The following VSIG2 variants were observed in gnomAD, a reference collection of about 807,000 sequenced individuals.
VSIG2 encodes the protein V-set and immunoglobulin domain containing 2, also known as V-set and immunoglobulin domain-containing protein 2.
VSIG2 carries 30 observed loss-of-function variants against 29.4 expected under a neutral mutation model. That is an observed-to-expected ratio of 1.02 (90% CI 0.76 to 1.38). VSIG2 has a LOEUF of 1.38. VSIG2 is among the 40% of genes most tolerant of loss of function. The probability of loss-of-function intolerance (pLI) is 0.00; values close to 1 mark genes in which losing one functional copy is unlikely to be tolerated. For synonymous variants in VSIG2, 178 were observed against 174.2 expected, an observed-to-expected ratio of 1.02 and a Z score of -0.17; for missense variants, 421 against 400.8, an observed-to-expected ratio of 1.05 and a Z score of -0.43.
chr11:124,748,826 A>G, intron 4 of VSIG2, 63 bp from the exon 5 acceptor site: 1 of 1,612,430 alleles, frequency 6.2e-7, no homozygotes. Context: ...CTACGAGGAC[A>G]GCACATTTCA....
chr11:124,748,409 A>C lies in VSIG2; in HGVS notation c.832T>G (p.Tyr278Asp). 8 of 1,612,908 alleles carry C rather than the reference A, an allele frequency of 5.0e-6. No homozygotes were observed. The highest frequency in any genetic ancestry group is 6.8e-6 in the Non-Finnish European group (8 of 1,179,546). Residue 278 changes from tyrosine to aspartate, a missense_variant, in exon 6 of 7, where the codon TAT (tyrosine) becomes GAT (aspartate). Physicochemically the swap from Tyr to Asp is radical, Grantham distance 160. Transcript: ENST00000326621. ...GCTCACCGAAGGTCACTACCCCCATATGTCTCCTTGGGCTTCTTCCCCCTC... is the reference window on the plus strand; with the variant it reads ...GCTCACCGAAGGTCACTACCCCCATCTGTCTCCTTGGGCTTCTTCCCCCTC... ...KERGKKPKET[Y>D]GGSDLREDAI...
chr11:124,749,858 T>C lies in VSIG2; in HGVS notation c.436A>G (p.Ser146Gly), dbSNP rs1489657734. ...CCACTCTGACTGCATAAGGGATTAC[T>C]GGGGGGAACTGCAAAAAAAAAAAAA... ...LINLTVLVPP[S>G]NPLCSQSGQT... The change falls in exon 4 of 7, where the codon AGT becomes GGT. Residue 146 changes from serine (S) to glycine (G), a missense_variant. Ser to Gly is a moderately conservative substitution (Grantham distance 56). Coordinates refer to ENST00000326621, the MANE Select transcript of VSIG2 (RefSeq NM_014312.5). 1 of 707,706 alleles carries C rather than the reference T, an allele frequency of 1.4e-6. No homozygotes were observed. Among genetic ancestry groups the C allele is most frequent in the Non-Finnish European group, 1.9e-6 (1 of 514,938 alleles). The allele number at this position is 707,706 out of a possible 1,614,324, so 43.8% of individuals were successfully genotyped here.
At chr11:124,750,453 C>G (rs1046603459) in intron 3 of VSIG2, among the ~76,000 whole-genome samples, 1 of 151,908 alleles carries the variant, frequency 6.6e-6, no homozygotes, top group Admixed American at 6.6e-5. Context: ...GGAGCAGGCT[C>G]AGATCCCCAT....
At chr11:124,750,677 A>G in intron 3 of VSIG2, 37 bp downstream of exon 3, 1 of 1,603,748 alleles carries the variant, frequency 6.2e-7, no homozygotes, top group Non-Finnish European at 8.5e-7. Flanking sequence ...AAGTATGTGA[A>G]AGAGTATGTG....
rs1177743036 is a variant in VSIG2 at position 124,752,099 on chromosome 11, C to G, written c.39G>C (p.Leu13=). The G allele has an allele frequency of 6.2e-7, 1 of 1,606,686 alleles. No individual in the cohort carries two copies. Among genetic ancestry groups the G allele is most frequent in the Non-Finnish European group, 8.5e-7 (1 of 1,178,848 alleles). Residue 13 remains leucine (L), a synonymous_variant, in exon 1 of 7, where the codon CTG becomes CTC. Coordinates refer to ENST00000326621, the MANE Select transcript of VSIG2 (RefSeq NM_014312.5). ...ELPGPFLCGA[L]LGFLCLSGLA... Reference sequence around the variant, plus strand: ...CACCACTCAGGCACAGGAAGCCTAGCAGGGCCCCGCAGAGAAAGGGCCCCG... The same window carrying G: ...CACCACTCAGGCACAGGAAGCCTAGGAGGGCCCCGCAGAGAAAGGGCCCCG...
chr11:124,751,235 A>T (rs1944082079), intron 2 of VSIG2, among the ~76,000 whole-genome samples, 188 bp downstream of exon 2: 1 of 152,070 alleles, frequency 6.6e-6, no homozygotes, highest in African/African-American at 2.4e-5. Flanking sequence ...TGGAAATAGG[A>T]GCTATGGAAG....
Position 124,748,502 on chromosome 11 carries a change from T to C in VSIG2, c.739A>G (p.Ile247Val). The C allele has an allele frequency of 6.2e-7, 1 of 1,614,044 alleles. No homozygotes were observed. Among genetic ancestry groups the C allele is most frequent in the Non-Finnish European group, 8.5e-7 (1 of 1,180,028 alleles). ...AACAGCACGCCCAGGAGCACCCCAA[T>C]CAGAGCTCCGGCCACTCGGCCTTGG... ...PSQGRVAGALIGVLLGVLLLS... is the reference protein window; with the variant it reads ...PSQGRVAGALVGVLLGVLLLS... The change falls in exon 6 of 7, where the codon ATT (isoleucine) becomes GTT (valine). Residue 247 changes from isoleucine to valine, a missense_variant. Ile to Val is a conservative substitution (Grantham distance 29, BLOSUM62 3). Coordinates refer to ENST00000326621, the MANE Select transcript of VSIG2 (RefSeq NM_014312.5).
chr11:124,748,039 A>G, intron 6 of VSIG2: 2 of 366,536 alleles, frequency 5.5e-6, no homozygotes, highest in Non-Finnish European at 9.8e-6. Context: ...ACTGCTCAGG[A>G]CAAATCCATT....
intron 1 of VSIG2, 130 bp downstream of exon 1, chr11:124,751,947 G>A: frequency 8.9e-7 from 1 of 1,123,052 alleles, no homozygotes; most frequent in Non-Finnish European, 1.2e-6. Flanking sequence ...CTCACCTCAG[G>A]CGCCTTAGGG....
At chr11:124,749,640 G>T in intron 4 of VSIG2, 68 bp downstream of exon 4, 1 of 1,567,138 alleles carries the variant, frequency 6.4e-7, no homozygotes, top group Non-Finnish European at 8.7e-7. Flanking sequence ...TAATACGGGT[G>T]TGTGGGATTT....
Position 124,749,882 on chromosome 11 carries a change from A to ACAAC in VSIG2, c.428-17_428-16insGTTG, listed in dbSNP as rs760330368. 2 of 1,514,514 alleles carry ACAAC rather than the reference A, an allele frequency of 1.3e-6. No individual in the cohort carries two copies. The highest frequency in any genetic ancestry group is 2.9e-5 in the African/African-American group (2 of 68,090). 93.8% of individuals were successfully genotyped at this position (1,514,514 alleles called of 1,614,324 possible). On this transcript the variant is annotated splice_polypyrimidine_tract_variant and intron_variant, in intron 3 of 6. Transcript: ENST00000326621. ...CTGGGGGGAACTGCAAAAAAAAAAA[A>ACAAC]AAAAAAAAAAAAACAGAAAGTTCCT...
chr11:124,751,935 G>T, intron 1 of VSIG2, 142 bp downstream of exon 1: 1 of 1,026,830 alleles, frequency 9.7e-7, no homozygotes, highest in Non-Finnish European at 1.4e-6. Context: ...CCCCTCTCCG[G>T]CCTCACCTCA....
Position 124,750,876 on chromosome 11 carries a change from A to T in VSIG2, c.265T>A (p.Ser89Thr), listed in dbSNP as rs1944077502. 1.2e-6 allele frequency: 2 copies of T among 1,613,828 alleles called. No individual in the cohort carries two copies. The highest frequency in any genetic ancestry group is 1.7e-6 in the Non-Finnish European group (2 of 1,179,992). The part of the protein sequence containing the change: ...NGHLYPTGSK[S>T]KRVSLLQNPP... The stretch of plus-strand genomic sequence containing the variant: ...TTCTGAAGCAGGCTGACCCGCTTTG[A>T]CTTAGAACCAGTTGGATACAGATGG... Residue 89 changes from serine to threonine, a missense_variant, in exon 3 of 7, where the codon TCA becomes ACA. Transcript: ENST00000326621.
rs778871563 is a variant in VSIG2, at chr11:124,752,113, G to A, written c.25C>T (p.Leu9Phe). 16 of 1,605,974 alleles carry A rather than the reference G, an allele frequency of 1.0e-5. No homozygotes were observed. The highest frequency in any genetic ancestry group is 1.3e-5 in the Non-Finnish European group (15 of 1,178,738). The change falls in exon 1 of 7, where the codon CTC (leucine) becomes TTC (phenylalanine). Residue 9 changes from leucine to phenylalanine, a missense_variant. Transcript: ENST00000326621. ...AGGAAGCCTAGCAGGGCCCCGCAGA[G>A]AAAGGGCCCCGGGAGCTCGGCCATG... is the stretch of plus-strand genomic sequence containing the variant. The part of the protein sequence containing the change: MAELPGPF[L>F]CGALLGFLCL...
rs1355129406 is a variant in VSIG2, at chr11:124,750,886, A to C, written c.255T>G (p.Thr85=). The change falls in exon 3 of 7, where the codon ACT becomes ACG. Residue 85 remains threonine (T), a synonymous_variant. Transcript: ENST00000326621. ...GGCTGACCCGCTTTGACTTAGAACC[A>C]GTTGGATACAGATGGCCATTGGTGA... The part of the protein sequence containing the change: ...LYFTNGHLYP[T]GSKSKRVSLL... 6.2e-7 allele frequency: 1 copy of C among 1,614,112 alleles called. No individual in the cohort carries two copies. Among genetic ancestry groups the C allele is most frequent in the South Asian group, 1.1e-5 (1 of 91,080 alleles).
At position 124,749,878 on chromosome 11, in the gene VSIG2, A is replaced by AC. The variant is rs770472159; in HGVS notation, c.428-13_428-12insG. ...ATTACTGGGGGGAACTGCAAAAAAA[A>AC]AAAAAAAAAAAAAAAAACAGAAAGT... On this transcript the variant is annotated splice_polypyrimidine_tract_variant and intron_variant, in intron 3 of 6. Transcript: ENST00000326621. 1.5e-4 allele frequency: 221 copies of AC among 1,499,240 alleles called. 5 individuals are homozygous for AC. In the African/African-American group the frequency reaches 3.1e-3, roughly 21 times the overall value. 92.9% of individuals were successfully genotyped at this position (1,499,240 alleles called of 1,614,324 possible).
intron 1 of VSIG2, 91 bp from the exon 2 acceptor site, chr11:124,751,671 G>A (rs1944088641): frequency 7.4e-7 from 1 of 1,356,596 alleles, no homozygotes; most frequent in African/African-American, 1.5e-5. Context: ...TGGAAGCTGG[G>A]GGCTCCCTCC....
In VSIG2 at chr11:124,752,119, GC is replaced by G; in HGVS notation, c.18del (p.Leu9SerfsTer6). 2 of 1,604,520 alleles carry G rather than the reference GC, an allele frequency of 1.2e-6. No individual in the cohort carries two copies. On this transcript the variant is annotated frameshift_variant, in exon 1 of 7. Coordinates refer to ENST00000326621, the MANE Select transcript of VSIG2 (RefSeq NM_014312.5). LOFTEE classifies it high-confidence loss of function. MAELP[G>X]PFLCGALLGF... is the part of the protein sequence containing the mutation. ...CCTAGCAGGGCCCCGCAGAGAAAGG[GC>G]CCCGGGAGCTCGGCCATGGCCGCGT...
At position 124,752,064 on chromosome 11, in the gene VSIG2, G is replaced by A. The variant is rs377073024; in HGVS notation, c.61+13C>T. The A allele has an allele frequency of 5.2e-5, 84 of 1,600,608 alleles. No homozygotes were observed. In the African/African-American group the frequency reaches 1.0e-3, roughly 19 times the overall value. ...CCCAGCCCTCGCCGTGGTCCCGCCCGGCCCCTCCTCACCACTCAGGCACAG... is the reference window on the plus strand; with the variant it reads ...CCCAGCCCTCGCCGTGGTCCCGCCCAGCCCCTCCTCACCACTCAGGCACAG... On this transcript the variant is annotated intron_variant, in intron 1 of 6. Coordinates refer to ENST00000326621, the MANE Select transcript of VSIG2 (RefSeq NM_014312.5).
Sources: allele counts gnomAD v4.1 joint callset (sites outside exome capture counted in the v4.1 genomes callset), GRCh38; gene constraint gnomAD v4.1.1; transcripts MANE v1.5; gene names NCBI Gene and HGNC (gene_info 2026-07-23, HGNC 2026-07-21).